Variants in GPBP1L1 observed in about 807,000 individuals in gnomAD.
The protein encoded by GPBP1L1 is vasculin-like protein 1.
A neutral mutation model predicts 52.5 loss-of-function variants in GPBP1L1; 23 were observed. The ratio of observed to expected loss-of-function variants is 0.44; its 90% confidence interval spans 0.32 to 0.62. The LOEUF (loss-of-function observed/expected upper bound fraction) is 0.62, where lower values mean the gene tolerates loss of function less well. Among genes scored for constraint, GPBP1L1 ranks in the 20% least tolerant of loss-of-function variants. The pLI, the probability that GPBP1L1 is intolerant of heterozygous loss-of-function variation, is 0.06. For synonymous variants in GPBP1L1, 243 were observed against 203.1 expected (o/e 1.20, Z -1.67); for missense variants, 596 against 579.3 (o/e 1.03, Z -0.30).
chr1:45,630,834 G>T, intron 10 of GPBP1L1: 1 of 502,552 alleles, frequency 2.0e-6, no homozygotes, highest in South Asian at 2.2e-5. Flanking sequence ...CAATACTGAA[G>T]AATAAAACCA....
At chr1:45,648,123 G>C (rs996253209) in intron 6 of GPBP1L1, among the ~76,000 whole-genome samples, 2 of 152,002 alleles carry the variant, frequency 1.3e-5, no homozygotes, top group Non-Finnish European at 2.9e-5. Flanking sequence ...ATTTTTTGTA[G>C]AGACAAAAGT....
chr1:45,640,428 C>G, intron 7 of GPBP1L1, 25 bp from the exon 8 acceptor site: 3 of 1,584,872 alleles, frequency 1.9e-6, no homozygotes, highest in Non-Finnish European at 2.6e-6. Context: ...AGTGGAGAGA[C>G]AACAGAATGT....
intron 2 of GPBP1L1, among the ~76,000 whole-genome samples, chr1:45,682,604 C>T (rs961467827): frequency 1.3e-5 from 2 of 152,144 alleles, no homozygotes; most frequent in African/African-American, 2.4e-5. Flanking sequence ...CATCTAGATA[C>T]TCCCAATCCC....
At chr1:45,672,583 AAG>A (rs1303345565) in intron 2 of GPBP1L1, among the ~76,000 whole-genome samples, 3 of 152,184 alleles carry the variant, frequency 2.0e-5, no homozygotes, top group Non-Finnish European at 4.4e-5. Context: ...TGGAGATGTT[AAG>A]TAGATAGCTG....
intron 6 of GPBP1L1, among the ~76,000 whole-genome samples, chr1:45,649,533 T>C (rs1444772187): frequency 6.6e-6 from 1 of 152,210 alleles, no homozygotes; most frequent in Non-Finnish European, 1.5e-5. Flanking sequence ...AATCCTCAAT[T>C]TGGGCTTGTC....
chr1:45,640,231 C>A lies in GPBP1L1; in HGVS notation c.723G>T (p.Lys241Asn). Residue 241 changes from lysine (K) to asparagine (N), a missense_variant, in exon 8 of 13, where the codon AAG (lysine) becomes AAT (asparagine). Lys to Asn is a moderately conservative substitution (Grantham distance 94). Coordinates refer to ENST00000355105, the MANE Select transcript of GPBP1L1 (RefSeq NM_021639.5). ...ATACCTTGGAAGGAGGTGGTACAGG[C>A]TTAGGAACCAGGTTCTTATAGACAC... ...VPSVYKNLVPKPVPPPSKPNA... is the reference protein window; with the variant it reads ...VPSVYKNLVPNPVPPPSKPNA... The A allele has an allele frequency of 6.2e-7, 1 of 1,613,994 alleles. No individual in the cohort carries two copies. Among genetic ancestry groups the A allele is most frequent in the Non-Finnish European group, 8.5e-7 (1 of 1,179,894 alleles).
intron 2 of GPBP1L1, among the ~76,000 whole-genome samples, chr1:45,663,066 C>CAAAAAAAAAAAAAAAA (rs1644966043): frequency 3.0e-5 from 3 of 100,444 alleles, no homozygotes; most frequent in Admixed American, 9.9e-5. Context: ...AAAAAAAAAG[C>CAAAAAAAAAAAAAAAA]AAAAAACCCC....
chr1:45,648,955 A>G (rs1015390508), intron 6 of GPBP1L1, among the ~76,000 whole-genome samples: 3 of 152,278 alleles, frequency 2.0e-5, no homozygotes, highest in African/African-American at 7.2e-5. Context: ...GCTTGAACCC[A>G]CGAGGCGCAG....
At chr1:45,644,891 CT>C (rs1392739707) in intron 6 of GPBP1L1, among the ~76,000 whole-genome samples, 1 of 152,166 alleles carries the variant, frequency 6.6e-6, no homozygotes, top group Admixed American at 6.5e-5. Context: ...GGAACTTCCC[CT>C]ATTTGGCAAT....
chr1:45,663,965 TTTC>T (rs1282197680), intron 2 of GPBP1L1, among the ~76,000 whole-genome samples: 17 of 151,924 alleles, frequency 1.1e-4, no homozygotes, highest in African/African-American at 4.1e-4. Context: ...ACTTTTTTTT[TTTC>T]TGAGACAATA....
rs530549078 is a variant in GPBP1L1, at chr1:45,658,956, C to T, written c.60+72G>A. The T allele has an allele frequency of 2.0e-5, 21 of 1,046,162 alleles. No individual in the cohort carries two copies. The East Asian group carries it at 2.8e-4, about 14-fold the overall frequency. 64.8% of individuals were successfully genotyped at this position (1,046,162 alleles called of 1,614,324 possible). A position where few individuals can be genotyped will look rare whatever the true frequency, so the allele number is the denominator to read the frequency against. On this transcript the variant is annotated intron_variant, in intron 4 of 12. Transcript: ENST00000355105. ...GACCCTGTCTCAAAACAAAATGAAA[C>T]CAAAAAACAACCAAAACCACCCCCA...
At chr1:45,668,772 T>A (rs998141738) in intron 2 of GPBP1L1, among the ~76,000 whole-genome samples, 1 of 152,148 alleles carries the variant, frequency 6.6e-6, no homozygotes, top group Admixed American at 6.5e-5. Context: ...TTGAAAAACT[T>A]CACCAGCCTA....
At chr1:45,645,169 G>A (rs4660313) in intron 6 of GPBP1L1, among the ~76,000 whole-genome samples, 43,032 of 151,970 alleles carry the variant, frequency 0.28, 6,222 homozygotes, top group South Asian at 0.36. Flanking sequence ...CTTCTTTTAA[G>A]TATGCTGTCT....
chr1:45,637,017 C>T (rs1644602135), intron 8 of GPBP1L1, among the ~76,000 whole-genome samples: 1 of 152,164 alleles, frequency 6.6e-6, no homozygotes, highest in Admixed American at 6.5e-5. Context: ...AAAGCCCTAA[C>T]CAAGCAACAT....
At position 45,627,547 on chromosome 1, in the gene GPBP1L1, C is replaced by G. The variant is rs770087338; in HGVS notation, c.*709G>C. ...TTATTTTATGCAGTAGTTTCCCCCT[C>G]GAGACTTGTGATAACCACATCTTTT... On this transcript the variant is annotated 3_prime_UTR_variant, in exon 13 of 13. Transcript: ENST00000355105. 3 of 152,482 alleles carry G rather than the reference C, an allele frequency of 2.0e-5. No homozygotes were observed. Among genetic ancestry groups the G allele is most frequent in the Non-Finnish European group, 4.4e-5 (3 of 68,000 alleles). The allele number at this position is 152,482 out of a possible 1,614,324, so 9.4% of individuals were successfully genotyped here.
chr1:45,678,600 G>A (rs1009172298), intron 2 of GPBP1L1, among the ~76,000 whole-genome samples: 1 of 152,094 alleles, frequency 6.6e-6, no homozygotes, highest in African/African-American at 2.4e-5. Flanking sequence ...AAAAGAACAA[G>A]CTAAATAATA....
At chr1:45,630,856 T>A (rs1213495672) in intron 10 of GPBP1L1, 1 of 445,746 alleles carries the variant, frequency 2.2e-6, no homozygotes, top group Non-Finnish European at 4.1e-6. Context: ...AGTACTGATA[T>A]TACCTGACAT....
chr1:45,662,023 A>G (rs1644952866), intron 2 of GPBP1L1, among the ~76,000 whole-genome samples: 1 of 152,218 alleles, frequency 6.6e-6, no homozygotes, highest in Non-Finnish European at 1.5e-5. Flanking sequence ...TATATGGTAT[A>G]TATTTTTAGA....
intron 8 of GPBP1L1, among the ~76,000 whole-genome samples, chr1:45,639,936 C>T (rs933060275): frequency 2.6e-5 from 4 of 151,294 alleles, no homozygotes; most frequent in Non-Finnish European, 4.4e-5. Context: ...GGCATAATGG[C>T]GTGCCCCTGT....
Sources: allele counts gnomAD v4.1 joint callset (sites outside exome capture counted in the v4.1 genomes callset), GRCh38; gene constraint gnomAD v4.1.1; transcripts MANE v1.5; gene names NCBI Gene and HGNC (gene_info 2026-07-23, HGNC 2026-07-21).